The following PRPF6 variants were observed in gnomAD, a reference collection of about 807,000 sequenced individuals.
The protein encoded by PRPF6 is pre-mRNA-processing factor 6.
Under a neutral mutation model 118.3 loss-of-function variants are expected in PRPF6, and 42 were observed. That is an observed-to-expected ratio of 0.35 (90% CI 0.28 to 0.46). The LOEUF (loss-of-function observed/expected upper bound fraction) is 0.46, where lower values mean the gene tolerates loss of function less well. Ranked by LOEUF, PRPF6 falls within the 20% of genes least tolerant of loss-of-function variation. The pLI is 1.00. For missense variants in PRPF6, 662 were observed against 1,255.7 expected (o/e 0.53, Z 7.15); for synonymous variants, 481 against 485.1 (o/e 0.99, Z 0.11).
rs371456581 is a variant in PRPF6 at position 64,016,778 on chromosome 20, G to A, written c.1580G>A (p.Arg527His). The change falls in exon 12 of 21, where the codon CGT (arginine) becomes CAT (histidine). Residue 527 changes from arginine to histidine, a missense_variant. By Grantham distance (29) the Arg-to-His change is conservative. Transcript: ENST00000266079. Reference sequence around the variant, plus strand: ...GTGGCCACCTGCCAGGCCGTCATGCGTGCCGTGATTGGGATTGGGATTGAG... The same window carrying A: ...GTGGCCACCTGCCAGGCCGTCATGCATGCCGTGATTGGGATTGGGATTGAG... ...GSVATCQAVMRAVIGIGIEEE... is the reference protein window; with the variant it reads ...GSVATCQAVMHAVIGIGIEEE... The A allele has an allele frequency of 8.1e-6, 13 of 1,614,014 alleles. No homozygotes were observed. The highest frequency in any genetic ancestry group is 2.2e-5 in the South Asian group (2 of 91,086).
chr20:63,983,990 T>C (rs2059082820), intron 2 of PRPF6, among the ~76,000 whole-genome samples: 1 of 152,074 alleles, frequency 6.6e-6, no homozygotes, highest in African/African-American at 2.4e-5. Flanking sequence ...GTGGAATTGG[T>C]GATAGTATTT....
chr20:64,005,364 A>G (rs1018224564), intron 9 of PRPF6, among the ~76,000 whole-genome samples: 2 of 152,212 alleles, frequency 1.3e-5, no homozygotes, highest in African/African-American at 4.8e-5. Flanking sequence ...CCACCAATGT[A>G]CAAAGTATTA....
At position 64,011,154 on chromosome 20, in the gene PRPF6, C is replaced by T; in HGVS notation, c.1306-131C>T. ...AGTGCTGCTGTGGACACTTCTCAGGCCATGTTCAGATGGTTCTCGAGAGCT... is the reference window on the plus strand; with the variant it reads ...AGTGCTGCTGTGGACACTTCTCAGGTCATGTTCAGATGGTTCTCGAGAGCT... On this transcript the variant is annotated intron_variant, in intron 10 of 20. Transcript: ENST00000266079. The surrounding 1 kb of genome is among the most constrained non-coding windows in gnomAD (Gnocchi z 6.7). 1 of 780,086 alleles carries T rather than the reference C, an allele frequency of 1.3e-6. No homozygotes were observed. The highest frequency in any genetic ancestry group is 2.2e-6 in the Non-Finnish European group (1 of 456,370). 48.3% of individuals were successfully genotyped at this position (780,086 alleles called of 1,614,324 possible). A position where few individuals can be genotyped will look rare whatever the true frequency, so the allele number is the denominator to read the frequency against.
Position 64,029,867 on chromosome 20 carries a change from A to G in PRPF6, c.2546+376A>G, listed in dbSNP as rs111916172. 3.8e-3 allele frequency among the ~76,000 whole-genome samples: 556 copies of G among 144,488 alleles called. 15 individuals carry two copies. In the East Asian group the frequency reaches 0.074, roughly 19 times the overall value. The allele number at this position is 144,488 out of a possible 152,430, so 94.8% of individuals were successfully genotyped here. ...CGGGTCAGAGACTCACTGGGGACGC[A>G]TGTGATTCACACTGGTGCGCTGGCC... On this transcript the variant is annotated intron_variant, in intron 19 of 20. Transcript: ENST00000266079. This position sits in a 1 kb window ranked among gnomAD's most constrained non-coding sequence, Gnocchi z 4.8.
At position 64,028,395 on chromosome 20, in the gene PRPF6, T is replaced by C; in HGVS notation, c.2340-83T>C. On this transcript the variant is annotated intron_variant, in intron 17 of 20. Transcript: ENST00000266079. The surrounding 1 kb of genome is among the most constrained non-coding windows in gnomAD (Gnocchi z 6.5). ...GCTGCTGTGACTGGGTGGAGAGCCC[T>C]TTCAGACAAGGCTTCCCAGAAGCTA... The C allele has an allele frequency of 6.9e-7, 1 of 1,445,574 alleles. No homozygotes were observed. The highest frequency in any genetic ancestry group is 9.7e-7 in the Non-Finnish European group (1 of 1,029,244). The allele number at this position is 1,445,574 out of a possible 1,614,324, so 89.5% of individuals were successfully genotyped here.
Position 64,022,811 on chromosome 20 carries a change from C to CA in PRPF6, c.1703dup (p.Val569GlyfsTer74). 1 of 1,614,174 alleles carries CA rather than the reference C, an allele frequency of 6.2e-7. No individual in the cohort carries two copies. The highest frequency in any genetic ancestry group is 8.5e-7 in the Non-Finnish European group (1 of 1,180,038). ...ACGAGCCATCTACGCCTACGCCCTG[C>CA]AGGTGTTCCCCAGCAAGAAGAGTGT... On this transcript the variant is annotated frameshift_variant, in exon 13 of 21. Transcript: ENST00000266079. LOFTEE classifies it high-confidence loss of function.
intron 8 of PRPF6, 73 bp from the exon 9 acceptor site, chr20:64,001,004 G>T (rs927601613): frequency 9.8e-6 from 15 of 1,530,864 alleles, no homozygotes; most frequent in African/African-American, 4.1e-5. Context: ...CTGCTCTGGA[G>T]ATCTGTGCCT....
chr20:63,997,645 C>T (rs2059146923), intron 6 of PRPF6, among the ~76,000 whole-genome samples: 1 of 151,786 alleles, frequency 6.6e-6, no homozygotes, highest in South Asian at 2.1e-4. Flanking sequence ...TTAGTAGAGA[C>T]GGGGTTTCAT....
intron 12 of PRPF6, among the ~76,000 whole-genome samples, chr20:64,018,744 G>T (rs1303642092): frequency 6.6e-6 from 1 of 151,952 alleles, no homozygotes; most frequent in Non-Finnish European, 1.5e-5. Context: ...GATTACAGGC[G>T]TGTCACTGTG....
intron 9 of PRPF6, among the ~76,000 whole-genome samples, chr20:64,003,499 C>A (rs560579515): frequency 8.5e-5 from 13 of 152,200 alleles, no homozygotes; most frequent in Non-Finnish European, 1.6e-4. Flanking sequence ...TGCATGTTCC[C>A]CCGACCCTGT....
At chr20:64,005,901 AG>A (rs1182717364) in intron 9 of PRPF6, among the ~76,000 whole-genome samples, 2 of 151,986 alleles carry the variant, frequency 1.3e-5, no homozygotes, top group African/African-American at 4.8e-5. Flanking sequence ...TGCCTGGCTG[AG>A]TTTTTAATTT....
intron 3 of PRPF6, among the ~76,000 whole-genome samples, chr20:63,989,526 T>C: frequency 6.6e-6 from 1 of 152,194 alleles, no homozygotes. Context: ...TTCATAAGTC[T>C]AGAAAGTAAC....
chr20:63,999,159 G>T lies in PRPF6; in HGVS notation c.866+20G>T, dbSNP rs771775817. The T allele has an allele frequency of 1.2e-6, 2 of 1,604,950 alleles. No individual in the cohort carries two copies. The highest frequency in any genetic ancestry group is 1.1e-5 in the South Asian group (1 of 90,606). ...CATCAAGTGAGTGCTTTGCAGAATC[G>T]CTGGGCTGGGATGGAGACTCTAGTT... is the stretch of plus-strand genomic sequence containing the variant. On this transcript the variant is annotated intron_variant, in intron 7 of 20. Transcript: ENST00000266079.
At chr20:63,993,649 T>C (rs1022062723) in intron 4 of PRPF6, among the ~76,000 whole-genome samples, 164 bp downstream of exon 4, 4 of 151,602 alleles carry the variant, frequency 2.6e-5, no homozygotes, top group Non-Finnish European at 5.9e-5. Flanking sequence ...TTTAATTATA[T>C]GTGTGTAAAA....
intron 11 of PRPF6, among the ~76,000 whole-genome samples, chr20:64,015,680 G>A (rs996629436): frequency 2.0e-5 from 3 of 152,184 alleles, no homozygotes; most frequent in African/African-American, 7.2e-5. Flanking sequence ...TATTTTGATA[G>A]AGAATGAGAA....
intron 8 of PRPF6, among the ~76,000 whole-genome samples, chr20:64,000,752 A>C (rs1327994967): frequency 6.6e-6 from 1 of 152,018 alleles, no homozygotes; most frequent in African/African-American, 2.4e-5. Flanking sequence ...TAGTTTTAGT[A>C]GAGACAGGGT....
chr20:64,014,866 T>C (rs2059230253), intron 11 of PRPF6, among the ~76,000 whole-genome samples: 1 of 152,206 alleles, frequency 6.6e-6, no homozygotes, highest in South Asian at 2.1e-4. Flanking sequence ...ACTGGTGGTT[T>C]GAGTCAAAGT....
At chr20:63,995,932 C>T (rs2059139424) in intron 6 of PRPF6, among the ~76,000 whole-genome samples, 2 of 152,074 alleles carry the variant, frequency 1.3e-5, no homozygotes, top group South Asian at 4.1e-4. Flanking sequence ...GCGGGGATTA[C>T]AGGTGTGAGC....
intron 11 of PRPF6, among the ~76,000 whole-genome samples, chr20:64,014,086 C>T (rs1363136661): frequency 2.0e-5 from 3 of 151,954 alleles, no homozygotes; most frequent in African/African-American, 7.2e-5. Context: ...TACAGGCATG[C>T]GCCACCACAC....
Sources: allele counts gnomAD v4.1 joint callset (sites outside exome capture counted in the v4.1 genomes callset), GRCh38; gene constraint gnomAD v4.1.1; non-coding constraint Gnocchi (gnomAD v3.1); transcripts MANE v1.5; gene names NCBI Gene and HGNC (gene_info 2026-07-23, HGNC 2026-07-21).